FHIT: variants seen among roughly 807,000 people sequenced by gnomAD.
The protein encoded by FHIT is bis(5'-adenosyl)-triphosphatase.
In FHIT, 19 loss-of-function variants were observed where a neutral mutation model predicts 17.9. That is an observed-to-expected ratio of 1.06 (90% CI 0.74 to 1.56). The LOEUF (loss-of-function observed/expected upper bound fraction) is 1.56. Among genes scored for constraint, FHIT ranks in the 40% most tolerant of loss-of-function variants. FHIT has a pLI of 0.00. For synonymous variants in FHIT, 81 were observed against 69.7 expected, an observed-to-expected ratio of 1.16 and a Z score of -0.81; for missense variants, 248 against 189.2, an observed-to-expected ratio of 1.31 and a Z score of -1.82.
chr3:61,179,984 T>C (rs1040153856), intron 2 of FHIT, among the ~76,000 whole-genome samples: 1 of 152,132 alleles, frequency 6.6e-6, no homozygotes, highest in Admixed American at 6.5e-5. Flanking sequence ...AAAATTGACA[T>C]AAAACAACCA....
intron 5 of FHIT, among the ~76,000 whole-genome samples, chr3:60,253,838 C>A (rs1705847483): frequency 6.6e-6 from 1 of 152,172 alleles, no homozygotes; most frequent in African/African-American, 2.4e-5. Flanking sequence ...CCAGAATGCA[C>A]AGGAAATTTC....
intron 5 of FHIT, among the ~76,000 whole-genome samples, chr3:60,259,916 T>TA (rs1706206525): frequency 6.6e-6 from 1 of 151,970 alleles, no homozygotes; most frequent in Admixed American, 6.6e-5. Context: ...AAGGAAATAA[T>TA]TCAAGGGAGG....
intron 3 of FHIT, among the ~76,000 whole-genome samples, chr3:60,957,229 CTTTCTTTTTTTTT>C (rs1553779208): frequency 1.6e-5 from 2 of 127,930 alleles, no homozygotes; most frequent in African/African-American, 5.7e-5. Context: ...TCTTTTCTTT[CTTTCTTTTTTTTT>C]TTTTTTTTTT....
intron 4 of FHIT, among the ~76,000 whole-genome samples, chr3:60,583,179 C>A (rs1273408318): frequency 6.6e-6 from 1 of 151,898 alleles, no homozygotes. Flanking sequence ...ATTCTCCTTA[C>A]TGGTTTTATA....
chr3:60,119,216 G>A (rs895951742), intron 5 of FHIT, among the ~76,000 whole-genome samples: 1 of 151,806 alleles, frequency 6.6e-6, no homozygotes, highest in African/African-American at 2.4e-5. Context: ...TGGGACTACA[G>A]GTACCTGCCA....
At chr3:60,639,571 C>T (rs1293022943) in intron 4 of FHIT, among the ~76,000 whole-genome samples, 2 of 152,090 alleles carry the variant, frequency 1.3e-5, no homozygotes, top group Admixed American at 6.6e-5. Context: ...AAATAGACCA[C>T]AGAATTTGAA....
chr3:60,614,830 TG>T (rs1559583634), intron 4 of FHIT, among the ~76,000 whole-genome samples: 14,284 of 91,612 alleles, frequency 0.16, 2,863 homozygotes, highest in Non-Finnish European at 0.21. Flanking sequence ...GTTTTTTTTT[TG>T]TTTTTTTTTT....
intron 5 of FHIT, among the ~76,000 whole-genome samples, chr3:60,188,199 G>C (rs895478432): frequency 4.9e-5 from 5 of 102,890 alleles, no homozygotes; most frequent in Non-Finnish European, 1.0e-4. Flanking sequence ...GATCTTGACA[G>C]TTTCTTTCTT....
At chr3:59,913,321 T>G (rs1414689934) in intron 8 of FHIT, among the ~76,000 whole-genome samples, 1 of 152,136 alleles carries the variant, frequency 6.6e-6, no homozygotes, top group Non-Finnish European at 1.5e-5. Context: ...TATACATGGG[T>G]TTTCCATAAA....
chr3:60,907,297 C>A (rs1485298914), intron 3 of FHIT, among the ~76,000 whole-genome samples: 2 of 152,170 alleles, frequency 1.3e-5, no homozygotes, highest in Admixed American at 1.3e-4. Flanking sequence ...CAATGAGGAA[C>A]AATTGGACAG....
intron 3 of FHIT, among the ~76,000 whole-genome samples, chr3:60,923,031 T>C (rs1430033351): frequency 6.6e-6 from 1 of 152,212 alleles, no homozygotes; most frequent in Non-Finnish European, 1.5e-5. Context: ...AAAACTCCTT[T>C]AGCTCAGCTC....
rs905121388 is a variant in FHIT at position 60,618,028 on chromosome 3, T to C, written c.-17-81049A>G. On this transcript the variant is annotated intron_variant, in intron 4 of 9. Transcript: ENST00000492590. ...AACTTGAGGACATCAAGCATCACTC[T>C]TCTACTCTGGAGTTAAAAAAAAAAG... 1.6e-5 allele frequency: 3 copies of C among 188,360 alleles called. No homozygotes were observed. The South Asian group carries it at 3.2e-4, about 20-fold the overall frequency. 11.7% of individuals were successfully genotyped at this position (188,360 alleles called of 1,614,324 possible).
rs17063575 is a variant in FHIT at position 60,584,699 on chromosome 3, A to G, written c.-17-47720T>C. The stretch of plus-strand genomic sequence containing the variant: ...ACATGGACAAAAGGAAAGAAGTTAC[A>G]AAGTCCTGCACTGCATTGTACAACT... On this transcript the variant is annotated intron_variant, in intron 4 of 9. Coordinates refer to ENST00000492590, the MANE Select transcript of FHIT (RefSeq NM_002012.4). Among the ~76,000 whole-genome samples, 718 of 152,156 alleles carry G rather than the reference A, an allele frequency of 4.7e-3. 3 individuals carry two copies. The highest frequency in any genetic ancestry group is 0.017 in the African/African-American group (688 of 41,544).
intron 3 of FHIT, among the ~76,000 whole-genome samples, chr3:60,977,662 G>A (rs892787226): frequency 4.6e-5 from 7 of 152,032 alleles, no homozygotes; most frequent in East Asian, 1.9e-4. Flanking sequence ...ACCTGAGGTC[G>A]GGAGTTCGAG....
chr3:60,807,990 C>G (rs964146284), intron 4 of FHIT, among the ~76,000 whole-genome samples: 4 of 152,218 alleles, frequency 2.6e-5, no homozygotes, highest in Non-Finnish European at 5.9e-5. Flanking sequence ...CATAGGCAGT[C>G]CAATCCAAAG....
chr3:60,924,157 G>C (rs1469575012), intron 3 of FHIT, among the ~76,000 whole-genome samples: 1 of 152,194 alleles, frequency 6.6e-6, no homozygotes, highest in Non-Finnish European at 1.5e-5. Flanking sequence ...ACAAAAGGCA[G>C]CAAAAACCTC....
At chr3:60,120,943 T>C (rs1437139911) in intron 5 of FHIT, among the ~76,000 whole-genome samples, 2 of 152,190 alleles carry the variant, frequency 1.3e-5, no homozygotes, top group Non-Finnish European at 2.9e-5. Context: ...TAGGTTTATA[T>C]CATGTGCAAT....
At chr3:60,097,969 G>T (rs113818464) in intron 5 of FHIT, among the ~76,000 whole-genome samples, 17,431 of 150,098 alleles carry the variant, frequency 0.12, 1,943 homozygotes, top group East Asian at 0.54. Flanking sequence ...GCAGTGTTTG[G>T]TTTTTTTGTC....
At chr3:60,462,858 G>A (rs378346) in intron 5 of FHIT, among the ~76,000 whole-genome samples, 25,002 of 152,156 alleles carry the variant, frequency 0.16, 2,542 homozygotes, top group East Asian at 0.41. Context: ...TATCTACACA[G>A]TCATGGCACA....
Sources: allele counts gnomAD v4.1 joint callset (sites outside exome capture counted in the v4.1 genomes callset), GRCh38; gene constraint gnomAD v4.1.1; transcripts MANE v1.5; gene names NCBI Gene and HGNC (gene_info 2026-07-23, HGNC 2026-07-21).